Variants in AGBL1 observed in about 807,000 individuals in gnomAD.
The protein encoded by AGBL1 is AGBL carboxypeptidase 1.
AGBL1 carries 130 observed loss-of-function variants against 118.9 expected under a neutral mutation model. The observed-to-expected ratio is 1.09, with a 90% CI of 0.95 to 1.26. The LOEUF is 1.26. AGBL1 is among the 50% of genes most tolerant of loss of function. The pLI, the probability that AGBL1 is intolerant of heterozygous loss-of-function variation, is 0.00. For missense variants in AGBL1, 1,584 were observed against 1,298.1 expected (o/e 1.22, Z -3.38); for synonymous variants, 555 against 478.9 (o/e 1.16, Z -2.08).
At chr15:86,726,235 TA>T (rs1233120350) in intron 22 of AGBL1, among the ~76,000 whole-genome samples, 1 of 152,218 alleles carries the variant, frequency 6.6e-6, no homozygotes, top group East Asian at 1.9e-4. Context: ...GAGCTGTGAC[TA>T]AATCTTTTGT....
At chr15:86,382,036 G>A (rs1262145160) in intron 17 of AGBL1, among the ~76,000 whole-genome samples, 4 of 152,182 alleles carry the variant, frequency 2.6e-5, no homozygotes, top group African/African-American at 9.7e-5. Flanking sequence ...CTGGGTGCCA[G>A]GTACCTCTGT....
At chr15:86,598,668 C>T (rs937840891) in intron 21 of AGBL1, among the ~76,000 whole-genome samples, 1 of 152,070 alleles carries the variant, frequency 6.6e-6, no homozygotes, top group African/African-American at 2.4e-5. Context: ...GTATGCTTCC[C>T]ACTGTTGGGA....
intron 18 of AGBL1, among the ~76,000 whole-genome samples, chr15:86,470,068 T>A (rs2082459478): frequency 6.6e-6 from 1 of 152,202 alleles, no homozygotes; most frequent in Non-Finnish European, 1.5e-5. Context: ...GCAGAAGCAT[T>A]TTAGTATGAC....
chr15:86,267,068 A>T lies in AGBL1; in HGVS notation c.1830A>T (p.Gln610His). 1 of 1,561,054 alleles carries T rather than the reference A, an allele frequency of 6.4e-7. No individual in the cohort carries two copies. Among genetic ancestry groups the T allele is most frequent in the South Asian group, 1.2e-5 (1 of 84,572 alleles). ...CAGGAAATCTTCGCAAAGCCATCCA[A>T]GTGCGTGAGTAAGTAAGGAAAACCA... ...FESGNLRKAIQVREFEYDLLV... is the reference protein window; with the variant it reads ...FESGNLRKAIHVREFEYDLLV... Residue 610 changes from glutamine to histidine, a missense_variant, in exon 13 of 23, where the codon CAA (glutamine) becomes CAT (histidine). Transcript: ENST00000614907.
intron 21 of AGBL1, among the ~76,000 whole-genome samples, chr15:86,634,391 C>G (rs943763920): frequency 1.3e-4 from 20 of 152,142 alleles, no homozygotes; most frequent in Non-Finnish European, 2.9e-4. Flanking sequence ...GAATGAAGTA[C>G]TGGTACATGC....
chr15:86,123,475 G>C (rs552604870), intron 1 of AGBL1, among the ~76,000 whole-genome samples: 3 of 152,140 alleles, frequency 2.0e-5, no homozygotes, highest in Non-Finnish European at 4.4e-5. Flanking sequence ...CCTGACCTGA[G>C]GTGATCCGCC....
chr15:86,813,661 G>T (rs1462074413), intron 22 of AGBL1, among the ~76,000 whole-genome samples: 1 of 152,122 alleles, frequency 6.6e-6, no homozygotes, highest in East Asian at 1.9e-4. Context: ...CAGCATTATT[G>T]TTCTAAGACC....
intron 14 of AGBL1, among the ~76,000 whole-genome samples, chr15:86,270,712 G>A (rs2141688861): frequency 6.6e-6 from 1 of 152,296 alleles, no homozygotes; most frequent in East Asian, 1.9e-4. Flanking sequence ...ATTCCTGTGG[G>A]TATGAGAAGA....
intron 17 of AGBL1, among the ~76,000 whole-genome samples, chr15:86,353,071 T>G (rs2080656197): frequency 1.3e-5 from 2 of 152,222 alleles, no homozygotes; most frequent in Non-Finnish European, 2.9e-5. Flanking sequence ...TATATGAAAC[T>G]CAGGAGGATG....
chr15:86,583,470 T>C (rs1482004533), intron 21 of AGBL1, among the ~76,000 whole-genome samples: 1 of 152,208 alleles, frequency 6.6e-6, no homozygotes, highest in Non-Finnish European at 1.5e-5. Flanking sequence ...TTGCTTAAGA[T>C]TGTGGCCTCC....
chr15:86,085,775 T>TTTG (rs376429284), intron 1 of AGBL1, among the ~76,000 whole-genome samples: 5 of 152,066 alleles, frequency 3.3e-5, no homozygotes, highest in East Asian at 1.9e-4. Context: ...ACACTTGATT[T>TTTG]TTGTTGTTGT....
intron 1 of AGBL1, among the ~76,000 whole-genome samples, chr15:86,120,624 G>A (rs1898039376): frequency 1.3e-5 from 2 of 152,160 alleles, no homozygotes; most frequent in African/African-American, 4.8e-5. Context: ...CTCCACCATT[G>A]TGCCACTGGC....
intron 20 of AGBL1, among the ~76,000 whole-genome samples, chr15:86,548,156 T>C (rs1033876867): frequency 6.6e-6 from 1 of 152,218 alleles, no homozygotes; most frequent in Non-Finnish European, 1.5e-5. Context: ...GATAGGTTAA[T>C]GTTATCATCA....
chr15:86,464,364 A>G (rs776387103), intron 18 of AGBL1, among the ~76,000 whole-genome samples: 40 of 152,336 alleles, frequency 2.6e-4, no homozygotes, highest in Non-Finnish European at 2.5e-4. Flanking sequence ...TTTTCTAAAT[A>G]TACAATAATG....
chr15:86,978,165 A>C (rs1432820172), intron 23 of AGBL1, among the ~76,000 whole-genome samples: 1 of 152,170 alleles, frequency 6.6e-6, no homozygotes, highest in Admixed American at 6.5e-5. Context: ...TAACCTTACA[A>C]GTAAGTCAAC....
chr15:86,562,036 A>G (rs1033122012), intron 21 of AGBL1, among the ~76,000 whole-genome samples: 3 of 152,202 alleles, frequency 2.0e-5, no homozygotes, highest in Non-Finnish European at 2.9e-5. Context: ...GTTGCTTATC[A>G]GGTTAAGGAG....
At chr15:86,430,382 C>A (rs1285366936) in intron 18 of AGBL1, among the ~76,000 whole-genome samples, 1 of 151,500 alleles carries the variant, frequency 6.6e-6, no homozygotes, top group Non-Finnish European at 1.5e-5. Flanking sequence ...GTAGTACCAG[C>A]TACTCAGGAG....
chr15:86,777,928 A>G (rs984519829), intron 22 of AGBL1, among the ~76,000 whole-genome samples: 6 of 152,166 alleles, frequency 3.9e-5, no homozygotes, highest in African/African-American at 1.4e-4. Flanking sequence ...AAATTCAGCC[A>G]GATATCCTGC....
intron 21 of AGBL1, among the ~76,000 whole-genome samples, chr15:86,618,495 C>T (rs534525346): frequency 2.6e-4 from 39 of 152,314 alleles, no homozygotes; most frequent in South Asian, 1.0e-3. Flanking sequence ...GATCTCTGGG[C>T]TCTAGCTCCA....
Sources: allele counts gnomAD v4.1 joint callset (sites outside exome capture counted in the v4.1 genomes callset), GRCh38; gene constraint gnomAD v4.1.1; transcripts MANE v1.5; gene names NCBI Gene and HGNC (gene_info 2026-07-23, HGNC 2026-07-21).